PCDHA1: variants seen among roughly 807,000 people sequenced by gnomAD.
PCDHA1 encodes the protein protocadherin alpha 1.
A neutral mutation model predicts 61.3 loss-of-function variants in PCDHA1; 42 were observed. The observed-to-expected ratio is 0.69, with a 90% CI of 0.54 to 0.89. The LOEUF is 0.89. PCDHA1 is among the 40% of genes least tolerant of loss of function. PCDHA1 has a pLI of 0.00. For missense variants in PCDHA1, 1,256 were observed against 1,235.3 expected (o/e 1.02, Z -0.25); for synonymous variants, 610 against 553.8 (o/e 1.10, Z -1.43).
At chr5:140,797,093 T>C (rs782679376) in intron 1 of PCDHA1, 17 of 1,613,850 alleles carry the variant, frequency 1.1e-5, no homozygotes, top group Non-Finnish European at 1.4e-5. Context: ...GTATCCAGCC[T>C]GTTGGTGCTC....
intron 1 of PCDHA1, among the ~76,000 whole-genome samples, chr5:140,874,127 A>G (rs1297073584): frequency 2.0e-5 from 3 of 151,564 alleles, no homozygotes; most frequent in Non-Finnish European, 4.4e-5. Flanking sequence ...TAGTTTATTT[A>G]AGTTATCTTA....
Position 140,846,464 on chromosome 5 carries a change from T to G in PCDHA1, c.2394+57780T>G, listed in dbSNP as rs2150391195. Among the ~76,000 whole-genome samples, 4 of 138,432 alleles carry G rather than the reference T, an allele frequency of 2.9e-5. No homozygotes were observed. In the South Asian group the frequency reaches 1.0e-3, roughly 35 times the overall value. The allele number at this position is 138,432 out of a possible 152,430, so 90.8% of individuals were successfully genotyped here. On this transcript the variant is annotated intron_variant, in intron 1 of 3. Transcript: ENST00000504120. ...ATCTCGGCTCACTGCAACCTCTGCC[T>G]CCCGGGTTCAAATGATTCTCCTTCC...
chr5:140,927,416 C>T (rs782053183), intron 1 of PCDHA1: 6 of 1,613,980 alleles, frequency 3.7e-6, no homozygotes, highest in Admixed American at 3.3e-5. Context: ...GACATGGGAT[C>T]GCGGGTTGAC....
Position 140,818,873 on chromosome 5 carries a change from G to A in PCDHA1, c.2394+30189G>A, listed in dbSNP as rs145798187. 6.6e-5 allele frequency among the ~76,000 whole-genome samples: 10 copies of A among 152,306 alleles called. No individual in the cohort carries two copies. In the East Asian group the frequency reaches 1.7e-3, roughly 26 times the overall value. On this transcript the variant is annotated intron_variant, in intron 1 of 3. Coordinates refer to ENST00000504120, the MANE Select transcript of PCDHA1 (RefSeq NM_018900.4). The stretch of plus-strand genomic sequence containing the variant: ...CTATAGGTAGAGGCATAAAAAAGAT[G>A]CCTGAGATTGCATCTCTTGAATTTA...
At chr5:140,998,122 A>G (rs2097797315) in intron 3 of PCDHA1, among the ~76,000 whole-genome samples, 1 of 152,214 alleles carries the variant, frequency 6.6e-6, no homozygotes, top group Admixed American at 6.5e-5. Flanking sequence ...TTACTTGTGA[A>G]TCATAATAGC....
intron 1 of PCDHA1, among the ~76,000 whole-genome samples, chr5:140,826,336 T>G (rs1768901629): frequency 6.6e-6 from 1 of 152,166 alleles, no homozygotes; most frequent in Non-Finnish European, 1.5e-5. Context: ...GTTAAGAAAT[T>G]GAACCCTTTG....
At chr5:140,893,666 C>T (rs2064116335) in intron 1 of PCDHA1, among the ~76,000 whole-genome samples, 1 of 152,160 alleles carries the variant, frequency 6.6e-6, no homozygotes, top group African/African-American at 2.4e-5. Flanking sequence ...TAAAAAATTT[C>T]AGCACTTTGG....
At chr5:140,863,299 G>A (rs868935823) in intron 1 of PCDHA1, 1 of 1,462,780 alleles carries the variant, frequency 6.8e-7, no homozygotes, top group Admixed American at 1.8e-5. Context: ...CCTGATCATC[G>A]CCATCTGCGT....
rs577022008 is a variant in PCDHA1, at chr5:140,921,827, C to T, written c.2395-57122C>T. Among the ~76,000 whole-genome samples, 6 of 151,924 alleles carry T rather than the reference C, an allele frequency of 3.9e-5. No homozygotes were observed. In the South Asian group the frequency reaches 1.2e-3, roughly 32 times the overall value. On this transcript the variant is annotated intron_variant, in intron 1 of 3. Coordinates refer to ENST00000504120, the MANE Select transcript of PCDHA1 (RefSeq NM_018900.4). Reference sequence around the variant, plus strand: ...TAAGATACATGTGTGAATATCTATACACATATAGACATATTTATAGATGTG... The same window carrying T: ...TAAGATACATGTGTGAATATCTATATACATATAGACATATTTATAGATGTG...
chr5:140,843,552 C>G (rs2150362585), intron 1 of PCDHA1: 1 of 1,595,800 alleles, frequency 6.3e-7, no homozygotes, highest in Non-Finnish European at 8.6e-7. Context: ...TGCTCCAGTG[C>G]GGTGGGGAGC....
chr5:140,895,763 T>C (rs1291731285), intron 1 of PCDHA1, among the ~76,000 whole-genome samples: 2 of 152,170 alleles, frequency 1.3e-5, no homozygotes, highest in East Asian at 1.9e-4. Context: ...TTTTCTTTCT[T>C]TATGGCTGCA....
chr5:140,884,239 C>T, intron 1 of PCDHA1: 1 of 1,613,424 alleles, frequency 6.2e-7, no homozygotes, highest in Non-Finnish European at 8.5e-7. Context: ...ACGGTGAGCC[C>T]GCGCTGACGG....
chr5:140,833,965 G>GA (rs2150212449), intron 1 of PCDHA1, among the ~76,000 whole-genome samples: 3 of 152,008 alleles, frequency 2.0e-5, no homozygotes, highest in Admixed American at 6.6e-5. Context: ...AAAACTGTGT[G>GA]AAAAAAAAGT....
chr5:140,953,034 C>T (rs1337571700), intron 1 of PCDHA1, among the ~76,000 whole-genome samples: 1 of 152,168 alleles, frequency 6.6e-6, no homozygotes, highest in Non-Finnish European at 1.5e-5. Context: ...GGGAAATCCA[C>T]CCCCATGATC....
intron 1 of PCDHA1, among the ~76,000 whole-genome samples, chr5:140,871,794 ATTACTATT>A (rs1415079404): frequency 2.2e-4 from 33 of 152,228 alleles, no homozygotes; most frequent in African/African-American, 7.7e-4. Flanking sequence ...AGTAGAAATA[ATTACTATT>A]TTCACTAAAG....
chr5:140,824,006 T>G (rs2150131396), intron 1 of PCDHA1: 2 of 1,613,804 alleles, frequency 1.2e-6, no homozygotes, highest in Admixed American at 3.3e-5. Context: ...TCCAGCGCGG[T>G]GGGGAGCTGG....
At chr5:140,909,327 G>A (rs2074440684) in intron 1 of PCDHA1, among the ~76,000 whole-genome samples, 1 of 152,216 alleles carries the variant, frequency 6.6e-6, no homozygotes. Context: ...CCAAATCAAT[G>A]GTTGCATACC....
At chr5:140,982,984 G>A (rs558088522) in intron 3 of PCDHA1, among the ~76,000 whole-genome samples, 11 of 151,694 alleles carry the variant, frequency 7.3e-5, no homozygotes, top group Non-Finnish European at 1.5e-4. Flanking sequence ...GAAAGAAAGA[G>A]AAAAAGAAGG....
chr5:140,857,478 C>G (rs782202072), intron 1 of PCDHA1: 1 of 1,598,590 alleles, frequency 6.3e-7, no homozygotes, highest in Non-Finnish European at 8.6e-7. Context: ...TTCACGGTGT[C>G]TGCGTGGGAC....
Sources: allele counts gnomAD v4.1 joint callset (sites outside exome capture counted in the v4.1 genomes callset), GRCh38; gene constraint gnomAD v4.1.1; transcripts MANE v1.5; gene names NCBI Gene and HGNC (gene_info 2026-07-23, HGNC 2026-07-21).